HNF4G: variants seen among roughly 807,000 people sequenced by gnomAD.
HNF4G encodes the protein hepatocyte nuclear factor 4 gamma.
In HNF4G, 21 loss-of-function variants were observed where a neutral mutation model predicts 50.9. That is an observed-to-expected ratio of 0.41 (90% confidence interval 0.29 to 0.59). The LOEUF is 0.59. Ranked by LOEUF, HNF4G falls within the 20% of genes least tolerant of loss-of-function variation. HNF4G has a pLI of 0.26. For synonymous variants in HNF4G, 198 were observed against 185.6 expected (o/e 1.07, Z -0.54); for missense variants, 527 against 559.4 (o/e 0.94, Z 0.58).
At chr8:75,464,346 G>T (rs1811919284) in intron 1 of HNF4G, among the ~76,000 whole-genome samples, 1 of 151,182 alleles carries the variant, frequency 6.6e-6, no homozygotes, top group Non-Finnish European at 1.5e-5. Context: ...TGCTTTATTT[G>T]ATTTTGAAAG....
intron 1 of HNF4G, among the ~76,000 whole-genome samples, chr8:75,541,739 A>T (rs1806628533): frequency 6.6e-6 from 1 of 152,076 alleles, no homozygotes; most frequent in Non-Finnish European, 1.5e-5. Context: ...TCAAGATGTA[A>T]TCCACAATAT....
intron 1 of HNF4G, among the ~76,000 whole-genome samples, chr8:75,464,238 T>TC (rs1351216317): frequency 7.9e-5 from 3 of 38,088 alleles, no homozygotes; most frequent in South Asian, 1.7e-3. Flanking sequence ...ATTCTCTCTC[T>TC]TTTTTTTTTA....
chr8:75,549,687 C>T (rs1268576002), intron 3 of HNF4G, among the ~76,000 whole-genome samples: 1 of 151,402 alleles, frequency 6.6e-6, no homozygotes, highest in Non-Finnish European at 1.5e-5. Flanking sequence ...TATACATGTG[C>T]CATGCTGGTG....
At chr8:75,503,123 A>C (rs1812975417) in intron 2 of HNF4G, among the ~76,000 whole-genome samples, 1 of 152,206 alleles carries the variant, frequency 6.6e-6, no homozygotes, top group South Asian at 2.1e-4. Context: ...CTTCATAGGT[A>C]AATCATTCTC....
intron 1 of HNF4G, among the ~76,000 whole-genome samples, chr8:75,409,138 TG>T (rs1810432903): frequency 6.6e-6 from 1 of 152,124 alleles, no homozygotes; most frequent in African/African-American, 2.4e-5. Flanking sequence ...GGCTCTTTCC[TG>T]GTATCACTTG....
chr8:75,485,971 G>A (rs1415547437), intron 1 of HNF4G, among the ~76,000 whole-genome samples: 2 of 152,186 alleles, frequency 1.3e-5, no homozygotes, highest in African/African-American at 4.8e-5. Flanking sequence ...TCTACTGGCT[G>A]TTGCAGACAC....
upstream of HNF4G, among the ~76,000 whole-genome samples, chr8:75,535,274 A>T (rs565289457): frequency 6.6e-5 from 10 of 151,954 alleles, no homozygotes; most frequent in South Asian, 2.1e-4. Context: ...CATCAAAATT[A>T]GGAAGAAGAA....
At chr8:75,437,469 G>T (rs944213754) in intron 1 of HNF4G, among the ~76,000 whole-genome samples, 1 of 152,172 alleles carries the variant, frequency 6.6e-6, no homozygotes, top group Non-Finnish European at 1.5e-5. Flanking sequence ...TGAGAAAGCA[G>T]TTCCACTGCT....
chr8:75,557,292 A>G (rs1329220946), intron 6 of HNF4G, among the ~76,000 whole-genome samples: 3 of 152,222 alleles, frequency 2.0e-5, no homozygotes, highest in African/African-American at 2.4e-5. Context: ...GAGTTTTACT[A>G]TGGTAATTAT....
chr8:75,432,247 A>T (rs1811032059), intron 1 of HNF4G, among the ~76,000 whole-genome samples: 1 of 151,618 alleles, frequency 6.6e-6, no homozygotes, highest in Non-Finnish European at 1.5e-5. Flanking sequence ...GCCCTGTATT[A>T]AAAAAAATAA....
At chr8:75,422,347 T>A (rs1810794030) in intron 1 of HNF4G, among the ~76,000 whole-genome samples, 1 of 152,198 alleles carries the variant, frequency 6.6e-6, no homozygotes. Context: ...TAGGCTCACA[T>A]GGAAATAAGT....
At chr8:75,509,278 C>A (rs1805686259) in intron 2 of HNF4G, among the ~76,000 whole-genome samples, 1 of 152,028 alleles carries the variant, frequency 6.6e-6, no homozygotes, top group Non-Finnish European at 1.5e-5. Context: ...AAGGACTGAG[C>A]CAACATGACA....
At chr8:75,471,366 T>C (rs1354094108) in intron 1 of HNF4G, among the ~76,000 whole-genome samples, 1 of 152,156 alleles carries the variant, frequency 6.6e-6, no homozygotes, top group African/African-American at 2.4e-5. Context: ...ATCTAAGCAA[T>C]TAATTCATTA....
At chr8:75,477,685 C>T (rs970137137) in intron 1 of HNF4G, among the ~76,000 whole-genome samples, 1 of 151,884 alleles carries the variant, frequency 6.6e-6, no homozygotes, top group Non-Finnish European at 1.5e-5. Context: ...AAAAAGTTCT[C>T]TGCCGGGCGT....
chr8:75,419,348 G>T lies in HNF4G; in HGVS notation c.-144+11186G>T, dbSNP rs1242683484. On this transcript the variant is annotated intron_variant, in intron 1 of 10. Transcript: ENST00000354370. The stretch of plus-strand genomic sequence containing the variant: ...TATGTATCACCTTAATTTATAAATG[G>T]TGAGTTTTAGTAGGAAGCATTGAAT... Among the ~76,000 whole-genome samples, 4 of 152,232 alleles carry T rather than the reference G, an allele frequency of 2.6e-5. No homozygotes were observed. In the Middle Eastern group the frequency reaches 0.01, roughly 388 times the overall value.
At chr8:75,447,079 C>G (rs892801870) in intron 1 of HNF4G, among the ~76,000 whole-genome samples, 2 of 134,126 alleles carry the variant, frequency 1.5e-5, no homozygotes, top group African/African-American at 3.0e-5. Context: ...GGTACCAAAA[C>G]AGAGATATAG....
chr8:75,458,863 A>G (rs931380567), intron 1 of HNF4G, among the ~76,000 whole-genome samples: 1 of 152,102 alleles, frequency 6.6e-6, no homozygotes, highest in Non-Finnish European at 1.5e-5. Context: ...CTAATGACTT[A>G]TATTTTAACT....
intron 1 of HNF4G, among the ~76,000 whole-genome samples, chr8:75,417,852 A>G (rs1019267429): frequency 6.6e-6 from 1 of 152,190 alleles, no homozygotes; most frequent in Non-Finnish European, 1.5e-5. Context: ...AAAAATGATA[A>G]TAGTCACATA....
chr8:75,507,269 T>A (rs1805609626), intron 2 of HNF4G, among the ~76,000 whole-genome samples: 1 of 151,540 alleles, frequency 6.6e-6, no homozygotes. Flanking sequence ...TTCTTTTTTT[T>A]TTTTTTTTGA....
Sources: gnomAD v4.1 joint callset for allele counts (sites outside exome capture counted in the v4.1 genomes callset) on GRCh38, gnomAD v4.1.1 for gene constraint, MANE v1.5 for transcripts, NCBI Gene and HGNC (gene_info 2026-07-23, HGNC 2026-07-21) for gene names.